The following ZFHX3 variants were observed in gnomAD, a reference collection of about 807,000 sequenced individuals.
The protein encoded by ZFHX3 is zinc finger homeobox protein 3.
Under a neutral mutation model 279.1 loss-of-function variants are expected in ZFHX3, and 42 were observed. That is an observed-to-expected ratio of 0.15 (90% confidence interval 0.12 to 0.19). ZFHX3 has a LOEUF of 0.19. Among genes scored for constraint, ZFHX3 ranks in the 10% least tolerant of loss-of-function variants. The pLI is 1.00. For missense variants in ZFHX3, 4,981 were observed against 4,754.0 expected (o/e 1.05, Z -1.40); for synonymous variants, 2,293 against 1,957.8 (o/e 1.17, Z -4.52).
intron 1 of ZFHX3, among the ~76,000 whole-genome samples, chr16:73,757,555 C>G (rs536446247): frequency 6.6e-6 from 1 of 152,076 alleles, no homozygotes; most frequent in Admixed American, 6.5e-5. Flanking sequence ...TTATTGGGCA[C>G]CCACCAAGGC....
At chr16:73,784,889 G>A (rs1398657874) in intron 1 of ZFHX3, among the ~76,000 whole-genome samples, 3 of 150,710 alleles carry the variant, frequency 2.0e-5, no homozygotes, top group South Asian at 4.2e-4. Flanking sequence ...GAGGAATAGT[G>A]GTCCCATGCT....
At chr16:73,815,964 C>G (rs1189740704) in intron 1 of ZFHX3, 1 of 152,186 alleles carries the variant, frequency 6.6e-6, no homozygotes, top group Non-Finnish European at 1.5e-5. Context: ...AAAGCTACGA[C>G]TTTTCAAGTA....
intron 1 of ZFHX3, among the ~76,000 whole-genome samples, chr16:73,853,687 G>A (rs992834181): frequency 6.6e-6 from 1 of 152,128 alleles, no homozygotes; most frequent in Non-Finnish European, 1.5e-5. Flanking sequence ...AGGGAGAAGG[G>A]TGAGAGGGAG....
intron 5 of ZFHX3, among the ~76,000 whole-genome samples, chr16:73,214,924 A>C (rs1043150477): frequency 1.5e-5 from 2 of 133,772 alleles, no homozygotes; most frequent in Non-Finnish European, 3.1e-5. Context: ...AACCACACCA[A>C]CTCCTCTGTG....
Position 72,958,806 on chromosome 16 carries a change from C to G in ZFHX3, c.1340G>C (p.Gly447Ala). ...GAAEGEKQEVGDGDCFSEKVE... is the reference protein window; with the variant it reads ...GAAEGEKQEVADGDCFSEKVE... ...CTTCTCAGAGAAGCAATCCCCGTCG[C>G]CCACTTCCTGCTTCTCTCCTTCTGC... Residue 447 changes from glycine (G) to alanine (A), a missense_variant, in exon 2 of 10, where the codon GGC becomes GCC. Coordinates refer to ENST00000268489, the MANE Select transcript of ZFHX3 (RefSeq NM_006885.4). 6.2e-7 allele frequency: 1 copy of G among 1,614,138 alleles called. No homozygotes were observed. The highest frequency in any genetic ancestry group is 8.5e-7 in the Non-Finnish European group (1 of 1,180,036).
At chr16:72,993,819 C>T (rs1963180530) in intron 1 of ZFHX3, among the ~76,000 whole-genome samples, 1 of 152,134 alleles carries the variant, frequency 6.6e-6, no homozygotes, top group Non-Finnish European at 1.5e-5. Flanking sequence ...ACCTGAATTA[C>T]ACCCTAGACG....
chr16:73,878,676 C>T (rs368354412), intron 1 of ZFHX3, among the ~76,000 whole-genome samples: 1 of 150,500 alleles, frequency 6.6e-6, no homozygotes, highest in East Asian at 1.9e-4. Context: ...AGGTAACTAG[C>T]GAAAACAAGA....
chr16:73,661,499 T>A (rs941100684), intron 2 of ZFHX3, among the ~76,000 whole-genome samples: 14 of 152,152 alleles, frequency 9.2e-5, no homozygotes, highest in Non-Finnish European at 1.8e-4. Context: ...GGCAGGCAGA[T>A]CAGTTGAGGT....
At chr16:73,304,743 G>A (rs959701006) in intron 4 of ZFHX3, among the ~76,000 whole-genome samples, 1 of 152,154 alleles carries the variant, frequency 6.6e-6, no homozygotes, top group African/African-American at 2.4e-5. Flanking sequence ...GAATCCAGGC[G>A]TTCTGTAAGG....
At chr16:73,483,712 T>C (rs1211675894) in intron 2 of ZFHX3, among the ~76,000 whole-genome samples, 2 of 152,050 alleles carry the variant, frequency 1.3e-5, no homozygotes, top group Non-Finnish European at 2.9e-5. Flanking sequence ...TATGCAAATA[T>C]CGACAAAGGC....
At chr16:73,784,618 G>A (rs1014258063) in intron 1 of ZFHX3, among the ~76,000 whole-genome samples, 19 of 151,670 alleles carry the variant, frequency 1.3e-4, no homozygotes, top group South Asian at 2.1e-4. Context: ...GTGGTGGCAC[G>A]TGCCTGTAGC....
chr16:73,762,151 C>T (rs2053875301), intron 1 of ZFHX3, among the ~76,000 whole-genome samples: 1 of 150,722 alleles, frequency 6.6e-6, no homozygotes, highest in Non-Finnish European at 1.5e-5. Flanking sequence ...AAAAAAACAA[C>T]ACCATTAAAA....
intron 3 of ZFHX3, among the ~76,000 whole-genome samples, chr16:73,438,838 G>A (rs2018039132): frequency 6.6e-6 from 1 of 152,190 alleles, no homozygotes; most frequent in Admixed American, 6.5e-5. Context: ...CCTACCTAGA[G>A]AGTGACAGTG....
intron 3 of ZFHX3, among the ~76,000 whole-genome samples, chr16:73,413,960 C>A (rs1210105599): frequency 3.9e-5 from 6 of 152,162 alleles, no homozygotes; most frequent in Non-Finnish European, 8.8e-5. Flanking sequence ...AGTTTTTATG[C>A]CTCCCTTGGT....
intron 3 of ZFHX3, among the ~76,000 whole-genome samples, chr16:72,917,728 A>C (rs12930834): frequency 0.15 from 23,458 of 152,266 alleles, 2,262 homozygotes; most frequent in Non-Finnish European, 0.22. Flanking sequence ...AAAATGTTTA[A>C]AATTTAAAGC....
chr16:73,236,017 T>C (rs1426568595), intron 5 of ZFHX3, among the ~76,000 whole-genome samples: 1 of 152,238 alleles, frequency 6.6e-6, no homozygotes, highest in African/African-American at 2.4e-5. Context: ...AAGTGAAACA[T>C]ATTTGCAAAG....
At chr16:73,854,407 G>C (rs1231467815) in intron 1 of ZFHX3, among the ~76,000 whole-genome samples, 1 of 151,982 alleles carries the variant, frequency 6.6e-6, no homozygotes, top group Non-Finnish European at 1.5e-5. Context: ...GGCACCTGTA[G>C]TCCCAGCTAC....
intron 1 of ZFHX3, among the ~76,000 whole-genome samples, chr16:73,797,253 C>A (rs1331288934): frequency 6.6e-6 from 1 of 152,056 alleles, no homozygotes; most frequent in Non-Finnish European, 1.5e-5. Flanking sequence ...AGTAGTGAAG[C>A]ACTGTTTATG....
At chr16:73,423,246 C>T (rs1210887222) in intron 3 of ZFHX3, among the ~76,000 whole-genome samples, 3 of 147,706 alleles carry the variant, frequency 2.0e-5, no homozygotes, top group Admixed American at 1.4e-4. Context: ...AAAAAAAAAT[C>T]AGAATTCCTT....
Sources: allele counts gnomAD v4.1 joint callset (sites outside exome capture counted in the v4.1 genomes callset), GRCh38; gene constraint gnomAD v4.1.1; transcripts MANE v1.5; gene names NCBI Gene and HGNC (gene_info 2026-07-23, HGNC 2026-07-21).